Variants in WWOX observed in about 807,000 individuals in gnomAD.
The protein encoded by WWOX is WW domain-containing oxidoreductase.
Under a neutral mutation model 46.2 loss-of-function variants are expected in WWOX, and 69 were observed. The ratio of observed to expected loss-of-function variants is 1.49; its 90% CI spans 1.23 to 1.82. The LOEUF (loss-of-function observed/expected upper bound fraction) is 1.82. WWOX is among the 40% of genes most tolerant of loss of function. The pLI, the probability that WWOX is intolerant of heterozygous loss-of-function variation, is 0.00. For synonymous variants in WWOX, 359 were observed against 202.6 expected, an observed-to-expected ratio of 1.77 and a Z score of -6.56; for missense variants, 919 against 542.6, an observed-to-expected ratio of 1.69 and a Z score of -6.89.
chr16:78,940,089 G>C (rs761999488), intron 8 of WWOX, among the ~76,000 whole-genome samples: 3 of 152,162 alleles, frequency 2.0e-5, no homozygotes, highest in Non-Finnish European at 2.9e-5. Flanking sequence ...ATTTGAGGTG[G>C]TCATCATTTT....
At chr16:78,186,105 A>C (rs2035693931) in intron 5 of WWOX, among the ~76,000 whole-genome samples, 1 of 152,322 alleles carries the variant, frequency 6.6e-6, no homozygotes, top group South Asian at 2.1e-4. Context: ...ATAAAATAAC[A>C]TGACTCCCAG....
intron 8 of WWOX, among the ~76,000 whole-genome samples, chr16:78,850,241 C>G (rs780357827): frequency 6.6e-5 from 10 of 152,178 alleles, no homozygotes; most frequent in Non-Finnish European, 8.8e-5. Context: ...TGTGTCATCA[C>G]TCCAGACAAC....
chr16:79,121,835 T>C (rs1163651025), intron 8 of WWOX, among the ~76,000 whole-genome samples: 1 of 152,136 alleles, frequency 6.6e-6, no homozygotes, highest in African/African-American at 2.4e-5. Context: ...AAACCAAACA[T>C]TGGGATATTA....
chr16:78,874,445 A>G (rs1421434981), intron 8 of WWOX, among the ~76,000 whole-genome samples: 2 of 151,910 alleles, frequency 1.3e-5, no homozygotes, highest in Non-Finnish European at 2.9e-5. Flanking sequence ...TGGTTCTGCT[A>G]CCTCCAACTG....
chr16:78,825,695 G>T, intron 8 of WWOX: 2 of 543,058 alleles, frequency 3.7e-6, no homozygotes, highest in East Asian at 4.2e-5. Context: ...TGGTTTCTGG[G>T]AGACTCTGAG....
chr16:78,457,406 G>A (rs1255850133), intron 8 of WWOX, among the ~76,000 whole-genome samples: 2 of 152,170 alleles, frequency 1.3e-5, no homozygotes, highest in Non-Finnish European at 2.9e-5. Context: ...CACCAACCAG[G>A]TATTGCTTCG....
chr16:78,809,921 C>A (rs560323448), intron 8 of WWOX, among the ~76,000 whole-genome samples: 3 of 152,186 alleles, frequency 2.0e-5, no homozygotes, highest in Non-Finnish European at 4.4e-5. Flanking sequence ...TCCACACTCA[C>A]CTTCTCAAAG....
chr16:78,447,401 T>C (rs2083586835), intron 8 of WWOX, among the ~76,000 whole-genome samples: 2 of 152,210 alleles, frequency 1.3e-5, no homozygotes, highest in South Asian at 2.1e-4. Flanking sequence ...TTTAAGAAAA[T>C]TGTCTTCCTT....
chr16:78,383,145 C>T (rs956104998), intron 5 of WWOX, among the ~76,000 whole-genome samples: 1 of 151,532 alleles, frequency 6.6e-6, no homozygotes, highest in Non-Finnish European at 1.5e-5. Context: ...CCACCAGGCC[C>T]CACCTCCAGT....
At chr16:78,360,678 C>A (rs1193668625) in intron 5 of WWOX, among the ~76,000 whole-genome samples, 3 of 42,732 alleles carry the variant, frequency 7.0e-5, no homozygotes, top group South Asian at 4.7e-4. Flanking sequence ...GTATAATAAT[C>A]AAAACTAGAA....
chr16:78,231,504 T>C (rs1418549737), intron 5 of WWOX, among the ~76,000 whole-genome samples: 1 of 152,182 alleles, frequency 6.6e-6, no homozygotes, highest in Non-Finnish European at 1.5e-5. Flanking sequence ...TTTCCATAAT[T>C]GTGTAGCTTT....
chr16:78,649,200 G>A (rs1213656353), intron 8 of WWOX, among the ~76,000 whole-genome samples: 1 of 152,128 alleles, frequency 6.6e-6, no homozygotes, highest in African/African-American at 2.4e-5. Context: ...GGCCAGGCTG[G>A]TCTCAAACTC....
chr16:78,499,436 C>G (rs1319374225), intron 8 of WWOX, among the ~76,000 whole-genome samples: 1 of 152,196 alleles, frequency 6.6e-6, no homozygotes, highest in Non-Finnish European at 1.5e-5. Flanking sequence ...CACCTGTTCA[C>G]TTTTTACCAT....
chr16:78,465,536 G>A (rs2084054163), intron 8 of WWOX, among the ~76,000 whole-genome samples: 1 of 152,188 alleles, frequency 6.6e-6, no homozygotes, highest in Non-Finnish European at 1.5e-5. Context: ...AAGTTAAAAT[G>A]TTGGGCAATG....
chr16:79,184,239 T>G (rs550653602), intron 8 of WWOX, among the ~76,000 whole-genome samples: 1 of 152,346 alleles, frequency 6.6e-6, no homozygotes, highest in East Asian at 1.9e-4. Flanking sequence ...ATAGTAACAG[T>G]GTAGACTATT....
chr16:78,391,394 A>G (rs930123025), intron 6 of WWOX, among the ~76,000 whole-genome samples: 2 of 152,246 alleles, frequency 1.3e-5, no homozygotes, highest in African/African-American at 4.8e-5. Flanking sequence ...ACAAGGTTGC[A>G]GTGCAGAGAG....
At chr16:78,806,142 A>G (rs375594524) in intron 8 of WWOX, among the ~76,000 whole-genome samples, 1 of 152,168 alleles carries the variant, frequency 6.6e-6, no homozygotes. Context: ...TTTTCTTTCA[A>G]ATGTTTCACT....
chr16:79,041,236 A>G (rs956346631), intron 8 of WWOX, among the ~76,000 whole-genome samples: 31 of 152,132 alleles, frequency 2.0e-4, no homozygotes, highest in African/African-American at 6.5e-4. Context: ...CACTCGTGTG[A>G]TGTCTGTTAA....
At chr16:78,235,408 A>G (rs1006989532) in intron 5 of WWOX, among the ~76,000 whole-genome samples, 7 of 152,064 alleles carry the variant, frequency 4.6e-5, no homozygotes, top group Non-Finnish European at 7.4e-5. Context: ...GTGGAGGTGC[A>G]CTCAGGATGC....
Sources: allele counts gnomAD v4.1 joint callset (sites outside exome capture counted in the v4.1 genomes callset), GRCh38; gene constraint gnomAD v4.1.1; transcripts MANE v1.5; gene names NCBI Gene and HGNC (gene_info 2026-07-23, HGNC 2026-07-21).